The following CACNA1D variants were observed in gnomAD, a reference collection of about 807,000 sequenced individuals.
CACNA1D encodes voltage-dependent L-type calcium channel subunit alpha-1D.
In CACNA1D, 55 loss-of-function variants were observed where a neutral mutation model predicts 257.1. The observed-to-expected ratio is 0.21, with a 90% CI of 0.17 to 0.27. The LOEUF (loss-of-function observed/expected upper bound fraction) is 0.27, where lower values mean the gene tolerates loss of function less well. Among genes scored for constraint, CACNA1D ranks in the 10% least tolerant of loss-of-function variants. The pLI, the probability that CACNA1D is intolerant of heterozygous loss-of-function variation, is 1.00. For synonymous variants in CACNA1D, 980 were observed against 1,014.9 expected (o/e 0.97, Z 0.65); for missense variants, 1,876 against 2,784.0 (o/e 0.67, Z 7.34).
intron 30 of CACNA1D, 144 bp downstream of exon 30, chr3:53,762,225 CTG>C: frequency 2.8e-6 from 2 of 714,392 alleles, no homozygotes; most frequent in South Asian, 3.0e-5. Flanking sequence ...CTAATGAGAG[CTG>C]TAGGCAAGAC....
At chr3:53,598,740 C>T (rs1005231323) in intron 3 of CACNA1D, among the ~76,000 whole-genome samples, 21 of 152,172 alleles carry the variant, frequency 1.4e-4, no homozygotes, top group Non-Finnish European at 2.9e-4. Context: ...ACCCCTGGGG[C>T]TAGCTAGCTG....
intron 3 of CACNA1D, among the ~76,000 whole-genome samples, chr3:53,547,180 G>A (rs973087235): frequency 6.6e-6 from 1 of 152,158 alleles, no homozygotes; most frequent in Non-Finnish European, 1.5e-5. Flanking sequence ...CAGTGCACCT[G>A]TCATTGTGTG....
rs2093578452 is a variant in CACNA1D at position 53,611,146 on chromosome 3, A to G, written c.484-39633A>G. ...GCAATCCCAGCACTTTAGGAGGCTG[A>G]GGTAGGAGGATTGCTTGAGGCTAGG... is the stretch of plus-strand genomic sequence containing the variant. On this transcript the variant is annotated intron_variant, in intron 3 of 47. Coordinates refer to ENST00000350061, the MANE Select transcript of CACNA1D (RefSeq NM_001128840.3). Among the ~76,000 whole-genome samples, 3 of 152,198 alleles carry G rather than the reference A, an allele frequency of 2.0e-5. No individual in the cohort carries two copies. In the South Asian group the frequency reaches 6.2e-4, roughly 32 times the overall value.
chr3:53,780,918 T>C (rs550621254), intron 38 of CACNA1D, among the ~76,000 whole-genome samples: 1 of 152,250 alleles, frequency 6.6e-6, no homozygotes, highest in African/African-American at 2.4e-5. Flanking sequence ...GGTGACTTCT[T>C]ACAACCCTAG....
At chr3:53,692,838 C>T (rs2094540359) in intron 8 of CACNA1D, among the ~76,000 whole-genome samples, 1 of 152,076 alleles carries the variant, frequency 6.6e-6, no homozygotes, top group Non-Finnish European at 1.5e-5. Flanking sequence ...CGGGTGGATC[C>T]CTTGAGGCCA....
Position 53,500,253 on chromosome 3 carries a change from TAAAAAAAAAAAAAAAA to T in CACNA1D, c.378-1348_378-1333del, listed in dbSNP as rs55823212. On this transcript the variant is annotated intron_variant, in intron 2 of 47. Transcript: ENST00000350061. The stretch of plus-strand genomic sequence containing the variant: ...AACATGGCAAAACCCCTGTCTCTAC[TAAAAAAAAAAAAAAAA>T]AAAAAAAAAAAAATTAGCCGGCGTG... Among the ~76,000 whole-genome samples, 35 of 40,952 alleles carry T rather than the reference TAAAAAAAAAAAAAAAA, an allele frequency of 8.5e-4. No homozygotes were observed. The South Asian group carries it at 0.062, about 73-fold the overall frequency. 26.9% of individuals were successfully genotyped at this position (40,952 alleles called of 152,430 possible).
chr3:53,663,183 T>A (rs191269215), intron 5 of CACNA1D, among the ~76,000 whole-genome samples: 99 of 152,344 alleles, frequency 6.5e-4, no homozygotes, highest in African/African-American at 2.2e-3. Context: ...CCTCCTGTGC[T>A]GCTTATCACG....
chr3:53,788,619 G>T (rs2095468618), intron 40 of CACNA1D, among the ~76,000 whole-genome samples: 1 of 152,210 alleles, frequency 6.6e-6, no homozygotes, highest in South Asian at 2.1e-4. Flanking sequence ...ACATGCTTCT[G>T]CAGGCTTGTC....
intron 30 of CACNA1D, among the ~76,000 whole-genome samples, chr3:53,763,654 G>A (rs1044795078): frequency 6.6e-6 from 1 of 152,330 alleles, no homozygotes. Flanking sequence ...CTGCAGGATT[G>A]AGGATTATAA....
intron 8 of CACNA1D, among the ~76,000 whole-genome samples, chr3:53,699,996 TAA>T (rs2094607866): frequency 6.6e-6 from 1 of 151,390 alleles, no homozygotes. Context: ...AGGAAGATAG[TAA>T]AAGAGTTACC....
At chr3:53,806,552 G>A (rs1207751302) in intron 45 of CACNA1D, among the ~76,000 whole-genome samples, 1 of 152,206 alleles carries the variant, frequency 6.6e-6, no homozygotes, top group Non-Finnish European at 1.5e-5. Context: ...GCATTTTGCT[G>A]ATGGTTAAGG....
At chr3:53,619,725 A>T (rs1185627537) in intron 3 of CACNA1D, among the ~76,000 whole-genome samples, 1 of 152,202 alleles carries the variant, frequency 6.6e-6, no homozygotes, top group Non-Finnish European at 1.5e-5. Context: ...TCCAGAGTGG[A>T]AGGCTGCTGC....
intron 33 of CACNA1D, 57 bp downstream of exon 33, chr3:53,772,955 T>C (rs2109017249): frequency 1.5e-6 from 2 of 1,374,002 alleles, no homozygotes; most frequent in Non-Finnish European, 2.1e-6. Context: ...CCCAAATCTG[T>C]GGCAAGATGT....
intron 11 of CACNA1D, 73 bp from the exon 12 acceptor site, chr3:53,722,241 C>T: frequency 1.3e-6 from 2 of 1,560,968 alleles, no homozygotes; most frequent in Non-Finnish European, 1.8e-6. Flanking sequence ...GCCAAATTAT[C>T]TCTCAATCAT....
At chr3:53,734,157 G>T (rs894624777) in intron 19 of CACNA1D, among the ~76,000 whole-genome samples, 1 of 151,002 alleles carries the variant, frequency 6.6e-6, no homozygotes, top group Non-Finnish European at 1.5e-5. Flanking sequence ...AGGTCCTCAG[G>T]GGGGTACGCC....
chr3:53,501,649 G>A lies in CACNA1D; in HGVS notation c.412G>A (p.Ala138Thr). ...CATATTTATATTATTGGCTATTTTT[G>A]CCAATTGTGTGGCCTTAGCTATTTA... ...FDIFILLAIF[A>T]NCVALAIYIP... The change falls in exon 3 of 48, where the codon GCC becomes ACC. Residue 138 changes from alanine to threonine, a missense_variant. By Grantham distance (58) the Ala-to-Thr change is moderately conservative (BLOSUM62 0). Coordinates refer to ENST00000350061, the MANE Select transcript of CACNA1D (RefSeq NM_001128840.3). The A allele has an allele frequency of 6.3e-7, 1 of 1,597,664 alleles. No individual in the cohort carries two copies.
intron 46 of CACNA1D, chr3:53,809,759 T>A: frequency 1.7e-6 from 1 of 590,630 alleles, no homozygotes; most frequent in South Asian, 2.0e-5. Context: ...CCAAAGGAAA[T>A]GCATTATGGA....
chr3:53,563,536 A>C (rs1225376917), intron 3 of CACNA1D, among the ~76,000 whole-genome samples: 1 of 88,604 alleles, frequency 1.1e-5, no homozygotes, highest in South Asian at 3.0e-4. Context: ...TCTGTCTCAA[A>C]AAAAAAAAAA....
intron 3 of CACNA1D, among the ~76,000 whole-genome samples, chr3:53,585,189 G>A (rs2093193825): frequency 6.6e-6 from 1 of 152,052 alleles, no homozygotes; most frequent in African/African-American, 2.4e-5. Context: ...TAGAAATAGG[G>A]AAGTGAACAC....
Sources: allele counts gnomAD v4.1 joint callset (sites outside exome capture counted in the v4.1 genomes callset), GRCh38; gene constraint gnomAD v4.1.1; transcripts MANE v1.5; gene names NCBI Gene and HGNC (gene_info 2026-07-23, HGNC 2026-07-21).